The following KALRN variants were observed in gnomAD, a reference collection of about 807,000 sequenced individuals.
KALRN encodes the protein kalirin RhoGEF kinase, also known as kalirin.
In KALRN, 70 loss-of-function variants were observed where a neutral mutation model predicts 353.7. The ratio of observed to expected loss-of-function variants is 0.20; its 90% confidence interval spans 0.16 to 0.24. The LOEUF (loss-of-function observed/expected upper bound fraction) is 0.24, where lower values mean the gene tolerates loss of function less well. KALRN is among the 10% of genes least tolerant of loss of function. The pLI, the probability that KALRN is intolerant of heterozygous loss-of-function variation, is 1.00. For missense variants in KALRN, 2,791 were observed against 3,756.7 expected (o/e 0.74, Z 6.72); for synonymous variants, 1,391 against 1,434.8 (o/e 0.97, Z 0.69).
intron 1 of KALRN, among the ~76,000 whole-genome samples, chr3:124,050,403 C>T (rs568375901): frequency 3.2e-4 from 49 of 152,308 alleles, no homozygotes; most frequent in Non-Finnish European, 5.0e-4. Flanking sequence ...CCTAACTAGA[C>T]ATTCACCTTG....
chr3:124,096,700 T>C (rs1005038256), intron 1 of KALRN: 1 of 152,090 alleles, frequency 6.6e-6, no homozygotes, highest in Admixed American at 6.6e-5. Flanking sequence ...ACATAAAGGG[T>C]CTTGTTTTCT....
rs757014696 is a variant in KALRN at position 124,268,950 on chromosome 3, G to A, written c.664G>A (p.Val222Met). Residue 222 changes from valine to methionine, a missense_variant, in exon 5 of 60, where the codon GTG becomes ATG. By Grantham distance (21) the Val-to-Met change is conservative. This residue lies in a region of KALRN where 366 missense variants were observed against 489.2 expected (regional missense o/e 0.75). Transcript: ENST00000682506. The stretch of plus-strand genomic sequence containing the variant: ...AGCCCGGAAGGAGTTTCCTGTGGAT[G>A]TGGAGGGCTCTCGGCGGCTCATTGA... ...MLARKEFPVD[V>M]EGSRRLIDEH... The A allele has an allele frequency of 1.2e-6, 2 of 1,614,194 alleles. No homozygotes were observed. The highest frequency in any genetic ancestry group is 1.7e-6 in the Non-Finnish European group (2 of 1,180,020).
At position 124,693,800 on chromosome 3, in the gene KALRN, T is replaced by C; in HGVS notation, c.7378-4T>C. ...GCAATTTTCTGTGTCTTTTTGTTTTTCAGATCTTAAATCCAAATTTCATCC... is the reference window on the plus strand; with the variant it reads ...GCAATTTTCTGTGTCTTTTTGTTTTCCAGATCTTAAATCCAAATTTCATCC... On this transcript the variant is annotated splice_polypyrimidine_tract_variant and splice_region_variant and intron_variant, in intron 51 of 59. Coordinates refer to ENST00000682506, the MANE Select transcript of KALRN (RefSeq NM_001388419.1). 6.4e-7 allele frequency: 1 copy of C among 1,559,242 alleles called. No individual in the cohort carries two copies. Among genetic ancestry groups the C allele is most frequent in the Non-Finnish European group, 8.8e-7 (1 of 1,137,116 alleles).
Position 124,699,729 on chromosome 3 carries a change from G to A in KALRN, c.7832-140G>A, listed in dbSNP as rs533305520. ...TCCAAACTACCATAGTTAGCCTACA[G>A]GCTTTCAGAGCCTGACACGGTAACC... On this transcript the variant is annotated intron_variant, in intron 55 of 59. Coordinates refer to ENST00000682506, the MANE Select transcript of KALRN (RefSeq NM_001388419.1). 8 of 765,588 alleles carry A rather than the reference G, an allele frequency of 1.0e-5. No individual in the cohort carries two copies. The African/African-American group carries it at 1.2e-4, about 12-fold the overall frequency. The allele number at this position is 765,588 out of a possible 1,614,324, so 47.4% of individuals were successfully genotyped here.
intron 33 of KALRN, among the ~76,000 whole-genome samples, chr3:124,514,643 T>G (rs2066338632): frequency 6.6e-6 from 1 of 152,060 alleles, no homozygotes; most frequent in African/African-American, 2.4e-5. Context: ...TTACCCAGGG[T>G]CACACAACCA....
intron 58 of KALRN, among the ~76,000 whole-genome samples, chr3:124,716,100 C>T (rs2063120746): frequency 6.6e-6 from 1 of 152,134 alleles, no homozygotes; most frequent in South Asian, 2.1e-4. Flanking sequence ...GTTCAAATGA[C>T]TTGCTCCCAG....
intron 9 of KALRN, among the ~76,000 whole-genome samples, chr3:124,344,002 A>T (rs2082025111): frequency 6.6e-6 from 1 of 152,194 alleles, no homozygotes; most frequent in Admixed American, 6.5e-5. Flanking sequence ...AAAACCTCCA[A>T]AACTGGAAAT....
chr3:124,614,683 A>C (rs2078372530), intron 34 of KALRN, among the ~76,000 whole-genome samples: 1 of 148,948 alleles, frequency 6.7e-6, no homozygotes, highest in African/African-American at 2.5e-5. Context: ...CAATCCTCCC[A>C]CTCAGCCTCC....
At chr3:124,312,550 T>C (rs2078378006) in intron 6 of KALRN, among the ~76,000 whole-genome samples, 1 of 152,142 alleles carries the variant, frequency 6.6e-6, no homozygotes, top group African/African-American at 2.4e-5. Context: ...TGCAAGTGGG[T>C]CTTTACTTGC....
chr3:124,378,281 C>T (rs2086858845), intron 10 of KALRN, among the ~76,000 whole-genome samples: 1 of 151,918 alleles, frequency 6.6e-6, no homozygotes, highest in Admixed American at 6.6e-5. Flanking sequence ...GGTATTATAC[C>T]ACTTTACATA....
intron 47 of KALRN, among the ~76,000 whole-genome samples, chr3:124,671,026 C>T (rs1211527327): frequency 6.6e-6 from 1 of 152,184 alleles, no homozygotes; most frequent in African/African-American, 2.4e-5. Context: ...CCTTCTACCT[C>T]TCGCTTTTAC....
intron 33 of KALRN, among the ~76,000 whole-genome samples, chr3:124,521,647 TG>T (rs1192801943): frequency 6.6e-6 from 1 of 152,120 alleles, no homozygotes; most frequent in Non-Finnish European, 1.5e-5. Flanking sequence ...GAGAGTATTT[TG>T]AAATGATAAT....
Position 124,637,313 on chromosome 3 carries a change from G to T in KALRN, c.5664+10G>T. On this transcript the variant is annotated intron_variant, in intron 37 of 59. Coordinates refer to ENST00000682506, the MANE Select transcript of KALRN (RefSeq NM_001388419.1). ...GGTCAAAAACAAGCTGGTAAGTGGGGGTCCTGGAGGCAGTTCTGTGTGTGT... is the reference window on the plus strand; with the variant it reads ...GGTCAAAAACAAGCTGGTAAGTGGGTGTCCTGGAGGCAGTTCTGTGTGTGT... 6.2e-7 allele frequency: 1 copy of T among 1,601,786 alleles called. No individual in the cohort carries two copies. The highest frequency in any genetic ancestry group is 8.6e-7 in the Non-Finnish European group (1 of 1,168,778).
chr3:124,640,801 C>T (rs1330629598), intron 37 of KALRN, among the ~76,000 whole-genome samples: 1 of 152,180 alleles, frequency 6.6e-6, no homozygotes, highest in African/African-American at 2.4e-5. Context: ...CAAAGAGCAA[C>T]TAACTCTTTA....
chr3:124,354,868 C>T (rs537417000), intron 10 of KALRN, among the ~76,000 whole-genome samples: 23 of 152,196 alleles, frequency 1.5e-4, no homozygotes, highest in African/African-American at 5.1e-4. Context: ...AATCTACAAA[C>T]CTGAGGGTAG....
At chr3:124,640,626 G>C (rs2081939990) in intron 37 of KALRN, among the ~76,000 whole-genome samples, 1 of 152,116 alleles carries the variant, frequency 6.6e-6, no homozygotes, top group African/African-American at 2.4e-5. Context: ...CTTCTACAAT[G>C]TTCTTGAACA....
At chr3:124,493,882 G>A (rs879493493) in intron 32 of KALRN, among the ~76,000 whole-genome samples, 2 of 152,222 alleles carry the variant, frequency 1.3e-5, no homozygotes, top group Admixed American at 6.5e-5. Flanking sequence ...TAACTGCTCT[G>A]GTGAAGGGGT....
At chr3:124,712,846 C>A in intron 57 of KALRN, 89 bp from the exon 58 acceptor site, 2 of 829,550 alleles carry the variant, frequency 2.4e-6, no homozygotes, top group Non-Finnish European at 3.9e-6. Flanking sequence ...ATCTATCTGA[C>A]CACTTCCCAC....
Position 124,395,131 on chromosome 3 carries a change from A to G in KALRN, c.1963-4A>G, listed in dbSNP as rs368434388. On this transcript the variant is annotated splice_region_variant and splice_polypyrimidine_tract_variant and intron_variant, in intron 11 of 59. Coordinates refer to ENST00000682506, the MANE Select transcript of KALRN (RefSeq NM_001388419.1). ...TGAGTGGAATCTCTGCTCTCTCTCT[A>G]CAGTTGTGGACATGGATGGAAGACC... 3.2e-5 allele frequency: 52 copies of G among 1,609,792 alleles called. No homozygotes were observed. In the African/African-American group the frequency reaches 5.6e-4, roughly 17 times the overall value.
Sources: allele counts gnomAD v4.1 joint callset (sites outside exome capture counted in the v4.1 genomes callset), GRCh38; gene constraint gnomAD v4.1.1; regional missense constraint gnomAD v4.1.1; transcripts MANE v1.5; gene names NCBI Gene and HGNC (gene_info 2026-07-23, HGNC 2026-07-21).